ZNF493: variants seen among roughly 807,000 people sequenced by gnomAD.
The protein encoded by ZNF493 is zinc finger protein 493.
In ZNF493, 11 loss-of-function variants were observed where a neutral mutation model predicts 12.2. That is an observed-to-expected ratio of 0.90 (90% confidence interval 0.57 to 1.50). The LOEUF (loss-of-function observed/expected upper bound fraction) is 1.50, where lower values mean the gene tolerates loss of function less well. Ranked by LOEUF, ZNF493 falls within the 40% of genes most tolerant of loss-of-function variation. ZNF493 has a pLI of 0.00. For synonymous variants in ZNF493, 286 were observed against 302.6 expected (o/e 0.95, Z 0.57); for missense variants, 950 against 906.6 (o/e 1.05, Z -0.61).
In ZNF493 at chr19:21,423,724, C is replaced by T. The variant is rs1445224674; in HGVS notation, c.1065C>T (p.Cys355=). ...AATCCCACAGATGTGAAGAATATTG[C>T]AAAGCTTATAAGGAGTCCTCACACC... ...EEKSHRCEEY[C]KAYKESSHLT... The change falls in exon 4 of 4, where the codon TGC becomes TGT. Residue 355 remains cysteine (C), a synonymous_variant. Coordinates refer to ENST00000392288, the MANE Select transcript of ZNF493 (RefSeq NM_001076678.3). The T allele has an allele frequency of 1.2e-6, 2 of 1,613,440 alleles. No homozygotes were observed. Among genetic ancestry groups the T allele is most frequent in the African/African-American group, 2.7e-5 (2 of 74,854 alleles).
intron 1 of ZNF493, among the ~76,000 whole-genome samples, 170 bp from the exon 2 acceptor site, chr19:21,404,959 G>C (rs2030065433): frequency 6.6e-6 from 1 of 152,198 alleles, no homozygotes; most frequent in Non-Finnish European, 1.5e-5. Context: ...CAGAGTTAGA[G>C]AATACATTAG....
chr19:21,413,418 A>G, intron 3 of ZNF493: 1 of 407,436 alleles, frequency 2.5e-6, no homozygotes, highest in East Asian at 3.6e-5. Flanking sequence ...CTGCTATCAT[A>G]GCTACCATTA....
chr19:21,423,988 T>C lies in ZNF493; in HGVS notation c.1329T>C (p.Ser443=). The C allele has an allele frequency of 2.5e-6, 4 of 1,612,262 alleles. No homozygotes were observed. The highest frequency in any genetic ancestry group is 3.4e-6 in the Non-Finnish European group (4 of 1,179,422). The stretch of plus-strand genomic sequence containing the variant: ...GTGAAGAATGTGGCAAAACCTTTAG[T>C]GTATTCTCAATTCTTACTAAACATA... ...YKCEECGKTF[S]VFSILTKHKI... The change falls in exon 4 of 4, where the codon AGT becomes AGC. Residue 443 remains serine (S), a synonymous_variant. Coordinates refer to ENST00000392288, the MANE Select transcript of ZNF493 (RefSeq NM_001076678.3).
intron 3 of ZNF493, among the ~76,000 whole-genome samples, chr19:21,417,140 T>A (rs1441248575): frequency 2.0e-5 from 3 of 152,198 alleles, no homozygotes; most frequent in Non-Finnish European, 4.4e-5. Flanking sequence ...TGGCACTGAT[T>A]AGCCCAATGT....
At chr19:21,405,076 GC>G (rs1190413092) in intron 1 of ZNF493, 52 bp from the exon 2 acceptor site, 1 of 1,535,436 alleles carries the variant, frequency 6.5e-7, no homozygotes, top group Non-Finnish European at 8.7e-7. Context: ...GATAAATTTT[GC>G]CCACGTGTAA....
chr19:21,403,809 G>T (rs554031343), intron 1 of ZNF493, among the ~76,000 whole-genome samples: 22 of 152,194 alleles, frequency 1.4e-4, no homozygotes, highest in Non-Finnish European at 2.1e-4. Flanking sequence ...AAATTCTTGT[G>T]ATAGTCAAGG....
Position 21,423,636 on chromosome 19 carries a change from G to C in ZNF493, c.977G>C (p.Cys326Ser). ...GAAAAACCCTATAAATGTGAAGAAT[G>C]TGGCAAAGCCTTTAGTATTTTCTCA... ...NGEKPYKCEE[C>S]GKAFSIFSTP... Residue 326 changes from cysteine (C) to serine (S), a missense_variant, in exon 4 of 4, where the codon TGT (cysteine) becomes TCT (serine). Cys to Ser is a moderately radical substitution (Grantham distance 112). Coordinates refer to ENST00000392288, the MANE Select transcript of ZNF493 (RefSeq NM_001076678.3). 2 of 1,609,656 alleles carry C rather than the reference G, an allele frequency of 1.2e-6. No individual in the cohort carries two copies. The highest frequency in any genetic ancestry group is 2.8e-5 in the African/African-American group (2 of 71,798).
intron 1 of ZNF493, among the ~76,000 whole-genome samples, chr19:21,403,136 A>G (rs1287506401): frequency 6.6e-6 from 1 of 152,228 alleles, no homozygotes; most frequent in Non-Finnish European, 1.5e-5. Flanking sequence ...CAATTTGCAG[A>G]AATCTCTTTA....
chr19:21,423,009 A>T lies in ZNF493; in HGVS notation c.350A>T (p.His117Leu). ...CTGAGAGAATATGTAAAATGTGGAC[A>T]TAAGGATTTACAGTTAAGAAAAGGA... is the stretch of plus-strand genomic sequence containing the variant. ...VILREYVKCG[H>L]KDLQLRKGCK... is the part of the protein sequence containing the mutation. Residue 117 changes from histidine (H) to leucine (L), a missense_variant, in exon 4 of 4, where the codon CAT becomes CTT. Transcript: ENST00000392288. 6.2e-7 allele frequency: 1 copy of T among 1,612,548 alleles called. No individual in the cohort carries two copies. Among genetic ancestry groups the T allele is most frequent in the Non-Finnish European group, 8.5e-7 (1 of 1,179,482 alleles).
intron 3 of ZNF493, among the ~76,000 whole-genome samples, chr19:21,421,835 G>C (rs1287743340): frequency 6.6e-6 from 1 of 152,046 alleles, no homozygotes; most frequent in African/African-American, 2.4e-5. Context: ...TTATTTTTTA[G>C]TTAAAGGAAA....
Position 21,427,449 on chromosome 19 carries a change from T to C in ZNF493, c.*2465T>C, listed in dbSNP as rs866483292. ...TGCTATCCGTCCCCCCTCCCCCCAA[T>C]TGTACTTTTATATAATAAAATGCAG... On this transcript the variant is annotated 3_prime_UTR_variant, in exon 4 of 4. Coordinates refer to ENST00000392288, the MANE Select transcript of ZNF493 (RefSeq NM_001076678.3). The C allele has an allele frequency of 6.6e-6, 1 of 151,010 alleles. No homozygotes were observed. Among genetic ancestry groups the C allele is most frequent in the South Asian group, 2.2e-4 (1 of 4,612 alleles). 9.4% of individuals were successfully genotyped at this position (151,010 alleles called of 1,614,324 possible). A position where few individuals can be genotyped will look rare whatever the true frequency, so the allele number is the denominator to read the frequency against.
intron 1 of ZNF493, among the ~76,000 whole-genome samples, chr19:21,399,514 T>A (rs927013730): frequency 6.6e-6 from 1 of 152,192 alleles, no homozygotes; most frequent in African/African-American, 2.4e-5. Context: ...CTTGAAGAGA[T>A]TTGTTCACTT....
intron 2 of ZNF493, chr19:21,405,536 A>G: frequency 7.6e-7 from 1 of 1,308,894 alleles, no homozygotes; most frequent in Non-Finnish European, 9.8e-7. Flanking sequence ...ATATGTTAAA[A>G]TCTATATGCC....
rs922243773 is a variant in ZNF493 at position 21,404,923 on chromosome 19, G to C, written c.31-206G>C. Among the ~76,000 whole-genome samples, 4 of 152,284 alleles carry C rather than the reference G, an allele frequency of 2.6e-5. No homozygotes were observed. In the South Asian group the frequency reaches 6.2e-4, roughly 24 times the overall value. On this transcript the variant is annotated intron_variant, in intron 1 of 3. Transcript: ENST00000392288. ...ATAAAAGTATATATACAGTGGTGTT[G>C]TAGATCTTATACCATTCTCTTCTCT...
chr19:21,406,916 C>A (rs2030150289), intron 3 of ZNF493, among the ~76,000 whole-genome samples: 1 of 151,926 alleles, frequency 6.6e-6, no homozygotes, highest in African/African-American at 2.4e-5. Context: ...TTTTTTCAAT[C>A]CATAAATATG....
rs1200397768 is a variant in ZNF493 at position 21,423,833 on chromosome 19, C to G, written c.1174C>G (p.Leu392Val). 1.9e-6 allele frequency: 3 copies of G among 1,613,416 alleles called. No individual in the cohort carries two copies. Among genetic ancestry groups the G allele is most frequent in the Non-Finnish European group, 2.5e-6 (3 of 1,179,710 alleles). Reference protein sequence around the residue: ...CGKAFSIFSTLTKHKIIHTEE... With the variant: ...CGKAFSIFSTVTKHKIIHTEE... ...CAAAGCCTTTAGTATTTTCTCAACC[C>G]TTACTAAACATAAGATAATTCACAC... The change falls in exon 4 of 4, where the codon CTT (leucine) becomes GTT (valine). Residue 392 changes from leucine (L) to valine (V), a missense_variant. By Grantham distance (32) the Leu-to-Val change is conservative. Transcript: ENST00000392288.
chr19:21,421,326 T>G (rs1224677794), intron 3 of ZNF493, among the ~76,000 whole-genome samples: 1 of 152,178 alleles, frequency 6.6e-6, no homozygotes, highest in African/African-American at 2.4e-5. Flanking sequence ...TGAGTGTTAC[T>G]GAATTTATTT....
At chr19:21,420,265 T>C (rs1180600768) in intron 3 of ZNF493, among the ~76,000 whole-genome samples, 1 of 152,110 alleles carries the variant, frequency 6.6e-6, no homozygotes, top group Non-Finnish European at 1.5e-5. Context: ...TGTCCCACAT[T>C]TTCTGTCTCT....
At chr19:21,405,646 A>T in intron 2 of ZNF493, 115 bp from the exon 3 acceptor site, 1 of 1,102,072 alleles carries the variant, frequency 9.1e-7, no homozygotes, top group Non-Finnish European at 1.2e-6. Flanking sequence ...ATTAAATAGT[A>T]TTTTGGGATA....
Sources: gnomAD v4.1 joint callset for allele counts (sites outside exome capture counted in the v4.1 genomes callset) on GRCh38, gnomAD v4.1.1 for gene constraint, MANE v1.5 for transcripts, NCBI Gene and HGNC (gene_info 2026-07-23, HGNC 2026-07-21) for gene names.